Variants in ARAP2 observed in about 807,000 individuals in gnomAD.
ARAP2 encodes arf-GAP with Rho-GAP domain, ANK repeat and PH domain-containing protein 2.
A neutral mutation model predicts 194.5 loss-of-function variants in ARAP2; 148 were observed. The ratio of observed to expected loss-of-function variants is 0.76; its 90% CI spans 0.67 to 0.87. The LOEUF (loss-of-function observed/expected upper bound fraction) is 0.87, where lower values mean the gene tolerates loss of function less well. ARAP2 is among the 40% of genes least tolerant of loss of function. The pLI, the probability that ARAP2 is intolerant of heterozygous loss-of-function variation, is 0.00. For missense variants in ARAP2, 2,128 were observed against 1,989.7 expected, an observed-to-expected ratio of 1.07 and a Z score of -1.32; for synonymous variants, 695 against 683.5, an observed-to-expected ratio of 1.02 and a Z score of -0.26.
intron 6 of ARAP2, among the ~76,000 whole-genome samples, chr4:36,204,772 C>A (rs1447830356): frequency 6.6e-6 from 1 of 151,856 alleles, no homozygotes; most frequent in East Asian, 1.9e-4. Flanking sequence ...GGGTAGATCA[C>A]GAGGTCAGGA....
At chr4:36,162,040 G>A (rs1427433825) in intron 11 of ARAP2, among the ~76,000 whole-genome samples, 5 of 151,272 alleles carry the variant, frequency 3.3e-5, no homozygotes, top group South Asian at 2.1e-4. Context: ...CCCGGGAGGC[G>A]GAGCTTGCAG....
chr4:36,149,557 C>A (rs7680904), intron 16 of ARAP2, among the ~76,000 whole-genome samples: 5,353 of 152,242 alleles, frequency 0.035, 107 homozygotes, highest in South Asian at 0.058. Context: ...TTTCTCTCTG[C>A]ATAGCTACTT....
intron 19 of ARAP2, among the ~76,000 whole-genome samples, chr4:36,139,962 T>C (rs578089250): frequency 1.3e-5 from 2 of 151,692 alleles, no homozygotes; most frequent in South Asian, 4.2e-4. Context: ...CACTCAAGGT[T>C]AAGGCCAACC....
At chr4:36,212,174 A>G (rs958986816) in intron 5 of ARAP2, among the ~76,000 whole-genome samples, 1 of 103,368 alleles carries the variant, frequency 9.7e-6, no homozygotes, top group African/African-American at 3.5e-5. Context: ...TTAGAAAAAG[A>G]CAAAAATAAT....
rs141394504 is a variant in ARAP2, at chr4:36,124,976, GA to G, written c.3641-10del. 2,285 of 1,481,328 alleles carry G rather than the reference GA, an allele frequency of 1.5e-3. 36 individuals carry two copies. The African/African-American group carries it at 0.028, about 18-fold the overall frequency. 91.8% of individuals were successfully genotyped at this position (1,481,328 alleles called of 1,614,324 possible). A position where few individuals can be genotyped will look rare whatever the true frequency, so the allele number is the denominator to read the frequency against. On this transcript the variant is annotated splice_polypyrimidine_tract_variant and intron_variant, in intron 21 of 32. Coordinates refer to ENST00000303965, the MANE Select transcript of ARAP2 (RefSeq NM_015230.4). ...CTTGTCATCTTGCGTATCTGAAGGGGAAAAAAAAACAATCTTGAGATCTAAA... is the reference window on the plus strand; with the variant it reads ...CTTGTCATCTTGCGTATCTGAAGGGGAAAAAAAACAATCTTGAGATCTAAA...
rs1195731859 is a variant in ARAP2, at chr4:36,132,898, G to A, written c.3427+328C>T. 2.0e-5 allele frequency among the ~76,000 whole-genome samples: 3 copies of A among 151,768 alleles called. No individual in the cohort carries two copies. The East Asian group carries it at 5.8e-4, about 30-fold the overall frequency. On this transcript the variant is annotated intron_variant, in intron 20 of 32. Transcript: ENST00000303965. ...TAATCTAGCCTTGTAATCTCTGAAA[G>A]ATAGTCTTCAATCTACTATTTTTTC...
At chr4:36,074,938 C>A (rs1024222878) in intron 31 of ARAP2, among the ~76,000 whole-genome samples, 2 of 152,054 alleles carry the variant, frequency 1.3e-5, no homozygotes, top group Non-Finnish European at 1.5e-5. Context: ...TCTTACAGTG[C>A]AGATCCTTTA....
chr4:36,175,640 GGTGT>G (rs373905800), intron 9 of ARAP2, among the ~76,000 whole-genome samples: 8 of 151,830 alleles, frequency 5.3e-5, no homozygotes, highest in Non-Finnish European at 1.0e-4. Context: ...ACATTTTAAA[GGTGT>G]GTGTGTGTAT....
chr4:36,037,920 C>CT (rs1720215140), intron 5 of ARAP2, among the ~76,000 whole-genome samples: 1 of 152,168 alleles, frequency 6.6e-6, no homozygotes, highest in South Asian at 2.1e-4. Flanking sequence ...GAGAGCTTCT[C>CT]ACTACTACTG....
At chr4:36,062,276 T>C (rs558145619), downstream of ARAP2, among the ~76,000 whole-genome samples, 9 of 152,152 alleles carry the variant, frequency 5.9e-5, no homozygotes, top group South Asian at 1.7e-3. Flanking sequence ...TGCTAGGGGG[T>C]TGGGGAGGAA....
intron 3 of ARAP2, among the ~76,000 whole-genome samples, chr4:36,050,122 T>A (rs1318114331): frequency 1.3e-5 from 2 of 152,152 alleles, no homozygotes; most frequent in Non-Finnish European, 2.9e-5. Flanking sequence ...TAAACTTGGT[T>A]ATGTATTGAC....
intron 9 of ARAP2, among the ~76,000 whole-genome samples, chr4:36,009,842 T>C (rs1207767877): frequency 7.0e-6 from 1 of 143,584 alleles, no homozygotes; most frequent in African/African-American, 2.6e-5. Flanking sequence ...AGTCCCTCTC[T>C]CTTGTTGAAG....
At chr4:36,083,943 C>A (rs752022859) in intron 28 of ARAP2, among the ~76,000 whole-genome samples, 1 of 152,058 alleles carries the variant, frequency 6.6e-6, no homozygotes, top group African/African-American at 2.4e-5. Context: ...AGCAGACTTG[C>A]TAAGTCTTCC....
At chr4:36,171,368 T>G (rs1264385460) in intron 9 of ARAP2, among the ~76,000 whole-genome samples, 1 of 152,186 alleles carries the variant, frequency 6.6e-6, no homozygotes, top group Non-Finnish European at 1.5e-5. Flanking sequence ...ATGTCCTTTG[T>G]ACGGACATGG....
intron 27 of ARAP2, among the ~76,000 whole-genome samples, chr4:36,093,862 T>A (rs1049575742): frequency 6.6e-6 from 1 of 152,176 alleles, no homozygotes; most frequent in African/African-American, 2.4e-5. Flanking sequence ...AGTCAGAACA[T>A]AAGATATTTG....
intron 9 of ARAP2, among the ~76,000 whole-genome samples, chr4:36,011,601 C>T (rs1714570208): frequency 6.6e-6 from 1 of 152,104 alleles, no homozygotes; most frequent in South Asian, 2.1e-4. Context: ...TGACTAGTCA[C>T]TTCTGGCAGG....
At chr4:36,232,759 A>T (rs1006601435) in intron 1 of ARAP2, among the ~76,000 whole-genome samples, 3 of 152,242 alleles carry the variant, frequency 2.0e-5, no homozygotes, top group African/African-American at 7.2e-5. Context: ...CTTCCTTGAC[A>T]TATATCTATA....
chr4:36,095,879 T>C (rs1315068060), intron 27 of ARAP2, among the ~76,000 whole-genome samples: 1 of 152,120 alleles, frequency 6.6e-6, no homozygotes, highest in Non-Finnish European at 1.5e-5. Flanking sequence ...CTGCTTTTCC[T>C]GTAAAACAAG....
In ARAP2 at chr4:36,107,617, A is replaced by G; in HGVS notation, c.4233T>C (p.Ala1411=). The G allele has an allele frequency of 6.2e-7, 1 of 1,611,104 alleles. No homozygotes were observed. Among genetic ancestry groups the G allele is most frequent in the South Asian group, 1.1e-5 (1 of 90,836 alleles). The stretch of plus-strand genomic sequence containing the variant: ...TTAAGAATCTCTTCACCACCAGGTA[A>G]GCAGAGCCAGGTTCAGCTAATGAAC... ...RWSSLAEPGS[A]YLVVKRFLTA... Residue 1411 remains alanine, a synonymous_variant, in exon 27 of 33, where the codon GCT becomes GCC. Transcript: ENST00000303965.
Sources: allele counts gnomAD v4.1 joint callset (sites outside exome capture counted in the v4.1 genomes callset), GRCh38; gene constraint gnomAD v4.1.1; transcripts MANE v1.5; gene names NCBI Gene and HGNC (gene_info 2026-07-23, HGNC 2026-07-21).